Variants in PAWR observed in about 807,000 individuals in gnomAD.
The protein encoded by PAWR is pro-apoptotic WT1 regulator.
PAWR carries 23 observed loss-of-function variants against 32.0 expected under a neutral mutation model. The observed-to-expected ratio is 0.72, with a 90% CI of 0.52 to 1.02. The LOEUF (loss-of-function observed/expected upper bound fraction) is 1.02, where lower values mean the gene tolerates loss of function less well. Among genes scored for constraint, PAWR ranks in the 50% least tolerant of loss-of-function variants. The probability of loss-of-function intolerance (pLI) is 0.00; values close to 1 mark genes in which losing one functional copy is unlikely to be tolerated. For synonymous variants in PAWR, 226 were observed against 187.1 expected (o/e 1.21, Z -1.70); for missense variants, 457 against 437.7 (o/e 1.04, Z -0.39).
chr12:79,626,547 C>T, intron 2 of PAWR, among the ~76,000 whole-genome samples: 1 of 151,516 alleles, frequency 6.6e-6, no homozygotes, highest in South Asian at 2.1e-4. Context: ...GTGTGAGCCA[C>T]ACGCCCCGCC....
At chr12:79,637,878 T>TATGA (rs1876037918) in intron 2 of PAWR, among the ~76,000 whole-genome samples, 1 of 152,200 alleles carries the variant, frequency 6.6e-6, no homozygotes, top group Non-Finnish European at 1.5e-5. Flanking sequence ...AACATCTTTC[T>TATGA]ATGAGAACTA....
chr12:79,677,352 A>C (rs1878220261), intron 2 of PAWR, among the ~76,000 whole-genome samples: 1 of 152,236 alleles, frequency 6.6e-6, no homozygotes, highest in Admixed American at 6.5e-5. Context: ...AAAAATATAA[A>C]GTACTAGTAT....
At chr12:79,684,094 C>T (rs1037784985) in intron 2 of PAWR, among the ~76,000 whole-genome samples, 1 of 151,882 alleles carries the variant, frequency 6.6e-6, no homozygotes, top group African/African-American at 2.4e-5. Flanking sequence ...CGTGTGAATA[C>T]TAAAAAACCA....
At chr12:79,632,345 A>G (rs1207939402) in intron 2 of PAWR, among the ~76,000 whole-genome samples, 4 of 58,816 alleles carry the variant, frequency 6.8e-5, no homozygotes, top group African/African-American at 7.2e-4. Flanking sequence ...ATATATATAT[A>G]TATATATATA....
intron 2 of PAWR, among the ~76,000 whole-genome samples, chr12:79,641,055 C>T (rs962647975): frequency 2.0e-5 from 3 of 152,178 alleles, no homozygotes; most frequent in Non-Finnish European, 4.4e-5. Flanking sequence ...ACAACACACT[C>T]ATCATTAAAT....
intron 2 of PAWR, among the ~76,000 whole-genome samples, chr12:79,664,761 G>A (rs1462403575): frequency 4.6e-5 from 7 of 151,434 alleles, no homozygotes; most frequent in East Asian, 1.9e-4. Flanking sequence ...CCAAGTACTC[G>A]GGACTACGGA....
chr12:79,606,579 G>T (rs1394623048), intron 4 of PAWR, among the ~76,000 whole-genome samples: 1 of 152,072 alleles, frequency 6.6e-6, no homozygotes, highest in African/African-American at 2.4e-5. Context: ...GAAATCTAGA[G>T]CCATATATCT....
chr12:79,654,517 G>A (rs932245595), intron 2 of PAWR, among the ~76,000 whole-genome samples: 8 of 152,118 alleles, frequency 5.3e-5, no homozygotes, highest in Non-Finnish European at 8.8e-5. Context: ...TCTTCACATG[G>A]GAAGCTGTTC....
In PAWR at chr12:79,589,388, A is replaced by G. The variant is rs545001323; in HGVS notation, c.*3219T>C. The G allele has an allele frequency of 6.6e-6, 1 of 152,220 alleles. No individual in the cohort carries two copies. Among genetic ancestry groups the G allele is most frequent in the Non-Finnish European group, 1.5e-5 (1 of 67,962 alleles). The allele number at this position is 152,220 out of a possible 1,614,324, so 9.4% of individuals were successfully genotyped here. On this transcript the variant is annotated 3_prime_UTR_variant, in exon 7 of 7. Transcript: ENST00000328827. ...TAATTATAAAATCCAGATTAATCCAAAAAACACAAACCACATGTAACCGAG... is the reference window on the plus strand; with the variant it reads ...TAATTATAAAATCCAGATTAATCCAGAAAACACAAACCACATGTAACCGAG...
rs1398922773 is a variant in PAWR at position 79,690,537 on chromosome 12, CAA to C, written c.-147-148_-147-147del. ...CAGCAGCCGCCGGGTCCCCACCCTGCAAAGTTTCTCCCACGCACCTACAGTAC... is the reference window on the plus strand; with the variant it reads ...CAGCAGCCGCCGGGTCCCCACCCTGCAGTTTCTCCCACGCACCTACAGTAC... On this transcript the variant is annotated intron_variant, in intron 1 of 6. Transcript: ENST00000328827. 7 of 353,088 alleles carry C rather than the reference CAA, an allele frequency of 2.0e-5. No individual in the cohort carries two copies. In the Admixed American group the frequency reaches 2.4e-4, roughly 12 times the overall value. The allele number at this position is 353,088 out of a possible 1,614,324, so 21.9% of individuals were successfully genotyped here. A position where few individuals can be genotyped will look rare whatever the true frequency, so the allele number is the denominator to read the frequency against.
At chr12:79,655,511 T>C (rs1877053824) in intron 2 of PAWR, among the ~76,000 whole-genome samples, 1 of 152,194 alleles carries the variant, frequency 6.6e-6, no homozygotes, top group Admixed American at 6.5e-5. Flanking sequence ...CACCAAAGGA[T>C]TAAATACTGG....
intron 2 of PAWR, among the ~76,000 whole-genome samples, chr12:79,672,128 C>T (rs1275410845): frequency 1.3e-5 from 2 of 152,120 alleles, no homozygotes; most frequent in African/African-American, 4.8e-5. Context: ...CTACCTCCCA[C>T]CTGGTCACTC....
chr12:79,589,218 C>T lies in PAWR; in HGVS notation c.*3389G>A, dbSNP rs1873475737. On this transcript the variant is annotated 3_prime_UTR_variant, in exon 7 of 7. Coordinates refer to ENST00000328827, the MANE Select transcript of PAWR (RefSeq NM_002583.4). ...ATACCTATCACTGTACATATGAATACTGTCCAGGATATCAGATCAATTATC... is the reference window on the plus strand; with the variant it reads ...ATACCTATCACTGTACATATGAATATTGTCCAGGATATCAGATCAATTATC... 6.6e-6 allele frequency: 1 copy of T among 151,898 alleles called. No homozygotes were observed. The highest frequency in any genetic ancestry group is 2.1e-4 in the South Asian group (1 of 4,824). 9.4% of individuals were successfully genotyped at this position (151,898 alleles called of 1,614,324 possible).
At chr12:79,646,753 C>G (rs1876594186) in intron 2 of PAWR, among the ~76,000 whole-genome samples, 1 of 152,094 alleles carries the variant, frequency 6.6e-6, no homozygotes, top group African/African-American at 2.4e-5. Context: ...AGGTAGTACA[C>G]AAACAAAATG....
rs1022914090 is a variant in PAWR, at chr12:79,690,403, G to C, written c.-147-12C>G. On this transcript the variant is annotated splice_polypyrimidine_tract_variant and intron_variant, in intron 1 of 6. Transcript: ENST00000328827. ...AGCAGCCGGCGGGGCTGAGGTGAAAGACAAAAGGGGGCGGGTAAGGGAAGC... is the reference window on the plus strand; with the variant it reads ...AGCAGCCGGCGGGGCTGAGGTGAAACACAAAAGGGGGCGGGTAAGGGAAGC... 7.6e-6 allele frequency: 10 copies of C among 1,316,614 alleles called. No individual in the cohort carries two copies. Among genetic ancestry groups the C allele is most frequent in the East Asian group, 6.3e-5 (2 of 31,934 alleles). 81.6% of individuals were successfully genotyped at this position (1,316,614 alleles called of 1,614,324 possible).
chr12:79,588,797 C>T lies in PAWR; in HGVS notation c.*3810G>A, dbSNP rs545153963. ...ACTTTAACATGCTATGAGATTCTAG[C>T]TAAGTAAAATAAAAACAATATGGAC... On this transcript the variant is annotated 3_prime_UTR_variant, in exon 7 of 7. Coordinates refer to ENST00000328827, the MANE Select transcript of PAWR (RefSeq NM_002583.4). 12 of 151,972 alleles carry T rather than the reference C, an allele frequency of 7.9e-5. No individual in the cohort carries two copies. In the East Asian group the frequency reaches 1.5e-3, roughly 20 times the overall value. The allele number at this position is 151,972 out of a possible 1,614,324, so 9.4% of individuals were successfully genotyped here.
intron 2 of PAWR, among the ~76,000 whole-genome samples, chr12:79,655,538 T>C (rs1229197725): frequency 6.6e-6 from 1 of 152,198 alleles, no homozygotes; most frequent in African/African-American, 2.4e-5. Context: ...GTTTCCCAGG[T>C]GATTTTAACA....
intron 3 of PAWR, among the ~76,000 whole-genome samples, chr12:79,618,620 A>C (rs1397482018): frequency 1.3e-5 from 2 of 151,964 alleles, no homozygotes; most frequent in African/African-American, 2.4e-5. Context: ...TCACCATTCT[A>C]CTCTCTACTT....
At chr12:79,595,708 C>G (rs1015125392) in intron 5 of PAWR, among the ~76,000 whole-genome samples, 2 of 151,930 alleles carry the variant, frequency 1.3e-5, no homozygotes, top group African/African-American at 4.8e-5. Context: ...AAGAATTAGC[C>G]GGGCTTGGTG....
Sources: allele counts gnomAD v4.1 joint callset (sites outside exome capture counted in the v4.1 genomes callset), GRCh38; gene constraint gnomAD v4.1.1; transcripts MANE v1.5; gene names NCBI Gene and HGNC (gene_info 2026-07-23, HGNC 2026-07-21).